COL4A1: variants seen among roughly 807,000 people sequenced by gnomAD.
The protein encoded by COL4A1 is collagen alpha-1(IV) chain.
In COL4A1, 40 loss-of-function variants were observed where a neutral mutation model predicts 216.6. The ratio of observed to expected loss-of-function variants is 0.18; its 90% CI spans 0.14 to 0.24. The LOEUF is 0.24. COL4A1 is among the 10% of genes least tolerant of loss of function. COL4A1 has a pLI of 1.00. For synonymous variants in COL4A1, 839 were observed against 810.7 expected (o/e 1.03, Z -0.59); for missense variants, 1,628 against 2,196.8 (o/e 0.74, Z 5.18).
At chr13:110,153,557 G>T (rs77798260) in intron 50 of COL4A1, among the ~76,000 whole-genome samples, 3,801 of 152,260 alleles carry the variant, frequency 0.025, 58 homozygotes, top group East Asian at 0.039. Flanking sequence ...ATGGAGTGGC[G>T]AATCCAATCT....
At chr13:110,222,417 A>G (rs1880529972) in intron 2 of COL4A1, among the ~76,000 whole-genome samples, 1 of 152,086 alleles carries the variant, frequency 6.6e-6, no homozygotes, top group Non-Finnish European at 1.5e-5. Context: ...CACTAGAGGG[A>G]GCTCTGGGAC....
At chr13:110,172,800 C>G (rs1322340634) in intron 40 of COL4A1, 30 bp from the exon 41 acceptor site, 1 of 1,599,956 alleles carries the variant, frequency 6.3e-7, no homozygotes, top group Non-Finnish European at 8.6e-7. Context: ...TGCCACGTTT[C>G]TCTTTACTTA....
At chr13:110,230,415 C>A (rs1042367015) in intron 2 of COL4A1, among the ~76,000 whole-genome samples, 7 of 151,954 alleles carry the variant, frequency 4.6e-5, no homozygotes, top group African/African-American at 1.7e-4. Flanking sequence ...CGTCGTGACA[C>A]CCTGGAAAAT....
At chr13:110,285,061 G>C (rs916330375) in intron 1 of COL4A1, among the ~76,000 whole-genome samples, 36 of 152,326 alleles carry the variant, frequency 2.4e-4, no homozygotes, top group African/African-American at 8.2e-4. Context: ...TCTGGGCTGA[G>C]GCTTTCAGGG....
At position 110,261,441 on chromosome 13, in the gene COL4A1, G is replaced by A. The variant is rs890278394; in HGVS notation, c.85-18707C>T. On this transcript the variant is annotated intron_variant, in intron 1 of 51. Coordinates refer to ENST00000375820, the MANE Select transcript of COL4A1 (RefSeq NM_001845.6). ...TGCTGCGTTCTCCTGAAGTGCTACC[G>A]CTGTTTAGATTTGGAGAGCAAAAAC... Among the ~76,000 whole-genome samples the A allele has an allele frequency of 2.6e-5, 4 of 152,232 alleles. No individual in the cohort carries two copies. The East Asian group carries it at 5.8e-4, about 22-fold the overall frequency.
chr13:110,234,480 G>A (rs1198143879), intron 2 of COL4A1, among the ~76,000 whole-genome samples: 1 of 152,148 alleles, frequency 6.6e-6, no homozygotes, highest in Non-Finnish European at 1.5e-5. Flanking sequence ...TACTTGGGAG[G>A]CTGAGGCGTG....
At chr13:110,259,194 T>C (rs757683305) in intron 1 of COL4A1, among the ~76,000 whole-genome samples, 19 of 152,248 alleles carry the variant, frequency 1.2e-4, no homozygotes, top group African/African-American at 3.1e-4. Flanking sequence ...CAGACCTTGT[T>C]TTCTTTTCAA....
chr13:110,251,296 A>G (rs1409545877), intron 1 of COL4A1, among the ~76,000 whole-genome samples: 1 of 151,736 alleles, frequency 6.6e-6, no homozygotes, highest in East Asian at 1.9e-4. Flanking sequence ...TCAACATCTG[A>G]CTCCCAAGCC....
Position 110,209,444 on chromosome 13 carries a change from T to C in COL4A1, c.616-17A>G. Reference sequence around the variant, plus strand: ...TGGGGGACCCTGGGAGAGACAGCATTTTAATTAAATAGGATTCAGAACTCT... The same window carrying C: ...TGGGGGACCCTGGGAGAGACAGCATCTTAATTAAATAGGATTCAGAACTCT... On this transcript the variant is annotated splice_polypyrimidine_tract_variant and intron_variant, in intron 10 of 51. Coordinates refer to ENST00000375820, the MANE Select transcript of COL4A1 (RefSeq NM_001845.6). 6.4e-7 allele frequency: 1 copy of C among 1,570,182 alleles called. No homozygotes were observed. The highest frequency in any genetic ancestry group is 1.2e-5 in the South Asian group (1 of 86,822).
In COL4A1 at chr13:110,163,508, C is replaced by A. The variant is rs1179536054; in HGVS notation, c.4204G>T (p.Gly1402Cys). Residue 1402 changes from glycine (G) to cysteine (C), a missense_variant, in exon 47 of 52, where the codon GGT (glycine) becomes TGT (cysteine). This residue lies in a region of COL4A1 where 345 missense variants were observed against 476.9 expected (regional missense o/e 0.72). Coordinates refer to ENST00000375820, the MANE Select transcript of COL4A1 (RefSeq NM_001845.6). ...ATCTCTCCTTTCTGGCCAGGGGCAC[C>A]GTCAAACCCAGGAATACCTGGAGGT... ...PGPPGIPGFD[G>C]APGQKGEMGP... The A allele has an allele frequency of 6.2e-7, 1 of 1,614,114 alleles. No homozygotes were observed. Among genetic ancestry groups the A allele is most frequent in the Non-Finnish European group, 8.5e-7 (1 of 1,180,026 alleles).
intron 1 of COL4A1, among the ~76,000 whole-genome samples, chr13:110,259,536 G>C (rs1882732078): frequency 6.6e-6 from 1 of 152,178 alleles, no homozygotes; most frequent in African/African-American, 2.4e-5. Flanking sequence ...CTGCTGACTA[G>C]ACAGGAAACT....
intron 1 of COL4A1, among the ~76,000 whole-genome samples, chr13:110,282,904 A>C (rs1187714335): frequency 6.6e-6 from 1 of 152,234 alleles, no homozygotes; most frequent in African/African-American, 2.4e-5. Flanking sequence ...TTTCGTGGCC[A>C]TCGGAACATT....
chr13:110,215,280 G>C (rs557553103), intron 2 of COL4A1, among the ~76,000 whole-genome samples: 1 of 61,488 alleles, frequency 1.6e-5, no homozygotes, highest in South Asian at 5.6e-4. Context: ...TTTGGGCTGG[G>C]TGCGGTGGCT....
intron 2 of COL4A1, among the ~76,000 whole-genome samples, chr13:110,230,243 ATG>A (rs375131572): frequency 0.012 from 1,768 of 151,528 alleles, 36 homozygotes; most frequent in African/African-American, 0.04. Context: ...TGTGGTATGT[ATG>A]TGTGTGTGGT....
Position 110,183,023 on chromosome 13 carries a change from T to A in COL4A1, c.2065A>T (p.Ile689Phe). The change falls in exon 28 of 52, where the codon ATT becomes TTT. Residue 689 changes from isoleucine (I) to phenylalanine (F), a missense_variant. Around this residue, in one of 8 missense-constraint regions of COL4A1, gnomAD observed 701 missense variants for 892.5 expected, o/e 0.79. Coordinates refer to ENST00000375820, the MANE Select transcript of COL4A1 (RefSeq NM_001845.6). ...GGGCCGGGGGGCCCTGGAAATCCAA[T>A]GCCTGGCTGGCCCACAGCGCCCTTC... ...GEKGAVGQPG[I>F]GFPGPPGPKG... 1 of 1,613,246 alleles carries A rather than the reference T, an allele frequency of 6.2e-7. No homozygotes were observed. Among genetic ancestry groups the A allele is most frequent in the Admixed American group, 1.7e-5 (1 of 59,980 alleles).
intron 45 of COL4A1, 122 bp from the exon 46 acceptor site, chr13:110,165,112 A>G: frequency 7.0e-7 from 1 of 1,421,610 alleles, no homozygotes; most frequent in East Asian, 2.5e-5. Context: ...AGGTAAAGTC[A>G]TTATCAAAAC....
chr13:110,272,572 A>T (rs895383986), intron 1 of COL4A1, among the ~76,000 whole-genome samples: 3 of 105,870 alleles, frequency 2.8e-5, no homozygotes, highest in South Asian at 3.5e-4. Flanking sequence ...AGTCCCCTCT[A>T]AAAGAAAAGG....
chr13:110,209,462 AG>A, intron 10 of COL4A1, 35 bp from the exon 11 acceptor site: 2 of 1,492,950 alleles, frequency 1.3e-6, no homozygotes, highest in Non-Finnish European at 1.8e-6. Context: ...AATAGGATTC[AG>A]AACTCTAGGG....
At chr13:110,292,622 A>G (rs1221179013) in intron 1 of COL4A1, among the ~76,000 whole-genome samples, 4 of 152,236 alleles carry the variant, frequency 2.6e-5, no homozygotes, top group African/African-American at 9.6e-5. Flanking sequence ...CATGTCTTAC[A>G]TGGTAGCAGG....
Sources: gnomAD v4.1 joint callset for allele counts (sites outside exome capture counted in the v4.1 genomes callset) on GRCh38, gnomAD v4.1.1 for gene constraint, gnomAD v4.1.1 regional missense constraint, MANE v1.5 for transcripts, NCBI Gene and HGNC (gene_info 2026-07-23, HGNC 2026-07-21) for gene names.